Variants in ADAMTSL1 observed in about 807,000 individuals in gnomAD.
The protein encoded by ADAMTSL1 is ADAMTS like 1, also known as ADAMTS-like protein 1.
Under a neutral mutation model 201.8 loss-of-function variants are expected in ADAMTSL1, and 126 were observed. The ratio of observed to expected loss-of-function variants is 0.62; its 90% CI spans 0.54 to 0.72. ADAMTSL1 has a LOEUF of 0.72. ADAMTSL1 is among the 30% of genes least tolerant of loss of function. The probability of loss-of-function intolerance (pLI) is 0.00; values close to 1 mark genes in which losing one functional copy is unlikely to be tolerated. For missense variants in ADAMTSL1, 2,679 were observed against 2,277.8 expected, an observed-to-expected ratio of 1.18 and a Z score of -3.59; for synonymous variants, 1,121 against 903.4, an observed-to-expected ratio of 1.24 and a Z score of -4.32.
chr9:18,120,451 G>T (rs1284494003), intron 1 of ADAMTSL1, among the ~76,000 whole-genome samples: 2 of 152,206 alleles, frequency 1.3e-5, no homozygotes, highest in South Asian at 2.1e-4. Flanking sequence ...GGTAGGAATT[G>T]TTGGGGGGGA....
At chr9:18,674,799 G>A (rs766288371) in intron 9 of ADAMTSL1, among the ~76,000 whole-genome samples, 1 of 152,034 alleles carries the variant, frequency 6.6e-6, no homozygotes, top group Non-Finnish European at 1.5e-5. Context: ...TGCAAAATAA[G>A]CATCTTCCAC....
At chr9:18,251,881 A>T (rs546078930) in intron 2 of ADAMTSL1, among the ~76,000 whole-genome samples, 1 of 152,198 alleles carries the variant, frequency 6.6e-6, no homozygotes, top group Admixed American at 6.5e-5. Flanking sequence ...ATTTGGTTCA[A>T]CTAAATAAAA....
chr9:18,653,178 G>C (rs899719008), intron 7 of ADAMTSL1, among the ~76,000 whole-genome samples: 4 of 152,160 alleles, frequency 2.6e-5, no homozygotes, highest in African/African-American at 9.7e-5. Flanking sequence ...CAGAGACAGA[G>C]AACTGGTTCC....
chr9:18,036,294 C>T (rs1821193074), intron 1 of ADAMTSL1, among the ~76,000 whole-genome samples: 1 of 152,194 alleles, frequency 6.6e-6, no homozygotes. Context: ...CTTTCTAACT[C>T]CTTCTATGGA....
intron 14 of ADAMTSL1, among the ~76,000 whole-genome samples, chr9:18,709,801 G>GT (rs1330468175): frequency 6.6e-6 from 1 of 152,166 alleles, no homozygotes; most frequent in Non-Finnish European, 1.5e-5. Context: ...CTCCTAGACA[G>GT]TAAAATCCAC....
intron 2 of ADAMTSL1, among the ~76,000 whole-genome samples, chr9:18,509,276 G>A (rs13294727): frequency 0.15 from 20,481 of 134,108 alleles, 1,991 homozygotes; most frequent in Non-Finnish European, 0.18. Flanking sequence ...TTAAGACTTC[G>A]AATCAGTTTG....
chr9:18,321,232 T>C (rs1032602679), intron 2 of ADAMTSL1, among the ~76,000 whole-genome samples: 1 of 152,064 alleles, frequency 6.6e-6, no homozygotes, highest in Non-Finnish European at 1.5e-5. Context: ...TTTGTAATAA[T>C]AAAAGAGTTA....
chr9:18,606,567 C>G (rs1825024279), intron 4 of ADAMTSL1, among the ~76,000 whole-genome samples: 1 of 152,110 alleles, frequency 6.6e-6, no homozygotes, highest in African/African-American at 2.4e-5. Flanking sequence ...TATTAGGTGA[C>G]CTAGTGTAAT....
At chr9:17,987,126 G>C (rs1013971546) in intron 1 of ADAMTSL1, among the ~76,000 whole-genome samples, 1 of 152,030 alleles carries the variant, frequency 6.6e-6, no homozygotes, top group Non-Finnish European at 1.5e-5. Flanking sequence ...TTTTCGGAGA[G>C]TATCTGTAAG....
chr9:17,966,903 T>A (rs1355708062), intron 1 of ADAMTSL1, among the ~76,000 whole-genome samples: 1 of 152,152 alleles, frequency 6.6e-6, no homozygotes, highest in Non-Finnish European at 1.5e-5. Context: ...GTTACCAAGA[T>A]AATGAATTGA....
At chr9:18,132,775 A>G (rs998150973) in intron 1 of ADAMTSL1, among the ~76,000 whole-genome samples, 1 of 152,016 alleles carries the variant, frequency 6.6e-6, no homozygotes, top group African/African-American at 2.4e-5. Flanking sequence ...TCACCCAAAC[A>G]CACAGTCCAA....
At position 18,727,246 on chromosome 9, in the gene ADAMTSL1, G is replaced by T. The variant is rs138842096; in HGVS notation, c.2006+5581G>T. ...TCCTCTCTGACAACTTGTTTTAAAG[G>T]TTACTGTTTCAACATGCTCTTGAAA... is the stretch of plus-strand genomic sequence containing the variant. On this transcript the variant is annotated intron_variant, in intron 15 of 28. Coordinates refer to ENST00000380548, the MANE Select transcript of ADAMTSL1 (RefSeq NM_001040272.6). 3.2e-4 allele frequency among the ~76,000 whole-genome samples: 48 copies of T among 152,296 alleles called. 2 individuals are homozygous for T. The highest frequency in any genetic ancestry group is 9.6e-4 in the African/African-American group (40 of 41,568).
At chr9:18,322,202 T>G (rs1834650855) in intron 2 of ADAMTSL1, among the ~76,000 whole-genome samples, 1 of 152,084 alleles carries the variant, frequency 6.6e-6, no homozygotes, top group African/African-American at 2.4e-5. Context: ...TTTAAGATTT[T>G]AAAAGAGGAA....
chr9:17,987,847 T>C (rs1378531748), intron 1 of ADAMTSL1, among the ~76,000 whole-genome samples: 1 of 152,092 alleles, frequency 6.6e-6, no homozygotes, highest in Admixed American at 6.6e-5. Context: ...CCAGTGGCTC[T>C]TGAAAGAGTT....
chr9:18,254,841 G>C (rs908546960), intron 2 of ADAMTSL1, among the ~76,000 whole-genome samples: 11 of 152,020 alleles, frequency 7.2e-5, no homozygotes, highest in Admixed American at 5.9e-4. Context: ...AATTTACTTT[G>C]TTAAACTTAA....
At chr9:18,089,344 T>C (rs1344408103) in intron 1 of ADAMTSL1, among the ~76,000 whole-genome samples, 7 of 151,884 alleles carry the variant, frequency 4.6e-5, no homozygotes, top group Non-Finnish European at 8.8e-5. Flanking sequence ...GAACCATCGT[T>C]CTCAGCAAAC....
intron 13 of ADAMTSL1, 130 bp downstream of exon 13, chr9:18,684,930 CAAATT>C: frequency 7.2e-7 from 1 of 1,396,700 alleles, no homozygotes; most frequent in Non-Finnish European, 9.3e-7. Context: ...TTTTGGCTCT[CAAATT>C]AAAGATTGAT....
chr9:18,670,282 C>T (rs138024206), intron 9 of ADAMTSL1, among the ~76,000 whole-genome samples: 6 of 152,256 alleles, frequency 3.9e-5, no homozygotes, highest in Middle Eastern at 3.4e-3. Context: ...CAAAGCAGCA[C>T]GGTATCTGAA....
intron 1 of ADAMTSL1, among the ~76,000 whole-genome samples, chr9:18,090,893 T>C (rs1336377096): frequency 6.6e-6 from 1 of 152,128 alleles, no homozygotes; most frequent in African/African-American, 2.4e-5. Context: ...GTTTTCTTGT[T>C]CCTCATAACC....
Sources: allele counts gnomAD v4.1 joint callset (sites outside exome capture counted in the v4.1 genomes callset), GRCh38; gene constraint gnomAD v4.1.1; transcripts MANE v1.5; gene names NCBI Gene and HGNC (gene_info 2026-07-23, HGNC 2026-07-21).